STARD13: variants seen among roughly 807,000 people sequenced by gnomAD.
STARD13 encodes the protein stAR-related lipid transfer protein 13.
In STARD13, 62 loss-of-function variants were observed where a neutral mutation model predicts 106.4. The ratio of observed to expected loss-of-function variants is 0.58; its 90% CI spans 0.48 to 0.72. The LOEUF is 0.72. STARD13 is among the 30% of genes least tolerant of loss of function. STARD13 has a pLI of 0.00. For synonymous variants in STARD13, 565 were observed against 553.0 expected (o/e 1.02, Z -0.31); for missense variants, 1,387 against 1,424.0 (o/e 0.97, Z 0.42).
chr13:33,430,315 C>T, the STARD13 span, among the ~76,000 whole-genome samples: 1 of 152,188 alleles, frequency 6.6e-6, no homozygotes, highest in Admixed American at 6.5e-5. Flanking sequence ...GTGCTTATTT[C>T]ACATTGCATG....
chr13:33,369,498 C>G, the STARD13 span, among the ~76,000 whole-genome samples: 1 of 152,128 alleles, frequency 6.6e-6, no homozygotes, highest in Non-Finnish European at 1.5e-5. Context: ...AGAACGTTTT[C>G]TAATGGATCC....
the STARD13 span, among the ~76,000 whole-genome samples, chr13:33,403,487 G>C: frequency 1.3e-5 from 2 of 152,178 alleles, no homozygotes. Flanking sequence ...ATCATGGATA[G>C]CCATGCTAAT....
the STARD13 span, among the ~76,000 whole-genome samples, chr13:33,530,191 C>T: frequency 6.6e-6 from 1 of 151,512 alleles, no homozygotes; most frequent in South Asian, 2.1e-4. Flanking sequence ...TACAGAGAAG[C>T]ACACAAAACA....
the STARD13 span, among the ~76,000 whole-genome samples, chr13:33,581,705 TA>T: frequency 6.6e-6 from 1 of 152,194 alleles, no homozygotes; most frequent in Non-Finnish European, 1.5e-5. Context: ...GCAAAGGTGA[TA>T]ACAAATATCG....
At chr13:33,495,931 G>A in the STARD13 span, among the ~76,000 whole-genome samples, 1 of 140,604 alleles carries the variant, frequency 7.1e-6, no homozygotes, top group Non-Finnish European at 1.5e-5. Flanking sequence ...ATATATTATT[G>A]TATATAATTA....
At chr13:33,553,053 TTTTA>T in the STARD13 span, among the ~76,000 whole-genome samples, 12 of 152,148 alleles carry the variant, frequency 7.9e-5, no homozygotes, top group Non-Finnish European at 1.8e-4. Flanking sequence ...AAATAAAACA[TTTTA>T]TTTGTTTTTA....
At chr13:33,646,712 TAA>T in the STARD13 span, among the ~76,000 whole-genome samples, 4 of 152,226 alleles carry the variant, frequency 2.6e-5, no homozygotes, top group South Asian at 8.3e-4. Flanking sequence ...AGGTCAACTG[TAA>T]CTATTCTGAA....
chr13:33,499,609 T>TCCTC, the STARD13 span, among the ~76,000 whole-genome samples: 140 of 74,410 alleles, frequency 1.9e-3, 5 homozygotes, highest in Non-Finnish European at 2.4e-3. Context: ...TCTTCTTTCT[T>TCCTC]CTTCTTCTTC....
the STARD13 span, among the ~76,000 whole-genome samples, chr13:33,589,247 A>G: frequency 6.6e-6 from 1 of 152,276 alleles, no homozygotes; most frequent in South Asian, 2.1e-4. Context: ...TCAAAAAACC[A>G]GCTTCTGGAT....
At chr13:33,541,899 AACT>A in the STARD13 span, among the ~76,000 whole-genome samples, 6 of 152,338 alleles carry the variant, frequency 3.9e-5, no homozygotes, top group African/African-American at 1.4e-4. Context: ...CACTTTCAGA[AACT>A]ACTATGGTCC....
intron 1 of STARD13, among the ~76,000 whole-genome samples, chr13:33,209,700 T>C (rs919080028): frequency 1.3e-5 from 2 of 152,092 alleles, no homozygotes; most frequent in African/African-American, 4.8e-5. Flanking sequence ...AGACAAGCTG[T>C]AGTGGCTCAC....
chr13:33,464,021 A>C, the STARD13 span, among the ~76,000 whole-genome samples: 1 of 129,528 alleles, frequency 7.7e-6, no homozygotes, highest in Non-Finnish European at 1.7e-5. Context: ...CAAAAAAAAA[A>C]TACATATATA....
the STARD13 span, among the ~76,000 whole-genome samples, chr13:33,454,649 A>T: frequency 6.6e-6 from 1 of 152,214 alleles, no homozygotes; most frequent in African/African-American, 2.4e-5. Context: ...TATTTATTGA[A>T]TGACTATTAT....
the STARD13 span, among the ~76,000 whole-genome samples, chr13:33,454,537 A>G: frequency 6.6e-6 from 1 of 152,214 alleles, no homozygotes; most frequent in Admixed American, 6.5e-5. Context: ...GCAAAAAAAG[A>G]TTTAATAAAT....
the STARD13 span, among the ~76,000 whole-genome samples, chr13:33,445,123 A>G: frequency 6.6e-6 from 1 of 152,292 alleles, no homozygotes. Flanking sequence ...TCAATGAATA[A>G]ATTAACTACT....
rs1397298915 is a variant in STARD13, at chr13:33,185,934, T to G, written c.170-18312A>C. 3.7e-6 allele frequency: 6 copies of G among 1,614,228 alleles called. No individual in the cohort carries two copies. In the East Asian group the frequency reaches 1.3e-4, roughly 36 times the overall value. On this transcript the variant is annotated intron_variant, in intron 1 of 13. Transcript: ENST00000336934. Reference sequence around the variant, plus strand: ...TTTCTGTTTCCCACCACAGACAGTGTCTTTGCATTCTCTGCACCAGCGCAG... The same window carrying G: ...TTTCTGTTTCCCACCACAGACAGTGGCTTTGCATTCTCTGCACCAGCGCAG...
chr13:33,649,835 G>C, the STARD13 span, among the ~76,000 whole-genome samples: 6 of 152,266 alleles, frequency 3.9e-5, no homozygotes, highest in African/African-American at 1.4e-4. Flanking sequence ...TGACTTTAAA[G>C]ACAGTTGGAA....
chr13:33,196,552 C>T (rs1393469898), intron 1 of STARD13, among the ~76,000 whole-genome samples: 1 of 152,122 alleles, frequency 6.6e-6, no homozygotes, highest in Non-Finnish European at 1.5e-5. Context: ...GGATTGACCC[C>T]AGCAATCTTA....
At chr13:33,585,281 A>G in the STARD13 span, among the ~76,000 whole-genome samples, 2 of 152,230 alleles carry the variant, frequency 1.3e-5, no homozygotes, top group Non-Finnish European at 1.5e-5. Context: ...TTCAGGGCAT[A>G]TGCCCTAAAA....
Sources: gnomAD v4.1 joint callset for allele counts (sites outside exome capture counted in the v4.1 genomes callset) on GRCh38, gnomAD v4.1.1 for gene constraint, MANE v1.5 for transcripts, NCBI Gene and HGNC (gene_info 2026-07-23, HGNC 2026-07-21) for gene names.